DTNA: variants seen among roughly 807,000 people sequenced by gnomAD.
DTNA encodes dystrophin-related protein 3.
In DTNA, 43 loss-of-function variants were observed where a neutral mutation model predicts 100.7. The observed-to-expected ratio is 0.43, with a 90% confidence interval of 0.33 to 0.55. DTNA has a LOEUF of 0.55. Ranked by LOEUF, DTNA falls within the 20% of genes least tolerant of loss-of-function variation. The pLI is 0.04. For missense variants in DTNA, 798 were observed against 953.9 expected, an observed-to-expected ratio of 0.84 and a Z score of 2.15; for synonymous variants, 349 against 347.9, an observed-to-expected ratio of 1.00 and a Z score of -0.04.
At chr18:34,625,430 C>T (rs1238227674) in intron 1 of DTNA, among the ~76,000 whole-genome samples, 13 of 152,206 alleles carry the variant, frequency 8.5e-5, no homozygotes, top group African/African-American at 3.1e-4. Context: ...GCCTCAGCTT[C>T]CCAAAGTGCT....
intron 1 of DTNA, chr18:34,679,696 A>C (rs1381563086): frequency 6.6e-6 from 1 of 152,174 alleles, no homozygotes; most frequent in Non-Finnish European, 1.5e-5. Context: ...AATATTATCA[A>C]TGCTGAGGTG....
intron 1 of DTNA, among the ~76,000 whole-genome samples, chr18:34,741,517 G>A (rs1231336731): frequency 6.6e-6 from 1 of 152,028 alleles, no homozygotes; most frequent in Non-Finnish European, 1.5e-5. Context: ...ATTCTCTTCA[G>A]GAAACTCGAG....
intron 1 of DTNA, among the ~76,000 whole-genome samples, chr18:34,704,238 A>C (rs12955998): frequency 1.3e-5 from 2 of 152,154 alleles, no homozygotes; most frequent in Admixed American, 1.3e-4. Flanking sequence ...CACTGACTAC[A>C]TAATTACTTG....
At chr18:34,650,034 C>T (rs543626875) in intron 1 of DTNA, among the ~76,000 whole-genome samples, 53 of 151,800 alleles carry the variant, frequency 3.5e-4, no homozygotes, top group African/African-American at 1.3e-3. Context: ...AGTGGTAGTT[C>T]ACAACCTAGC....
At chr18:34,816,082 T>A in intron 7 of DTNA, 68 bp downstream of exon 7, 1 of 1,478,748 alleles carries the variant, frequency 6.8e-7, no homozygotes, top group Non-Finnish European at 9.4e-7. Context: ...GTTCTACAGT[T>A]AGTAAGCCCA....
intron 1 of DTNA, among the ~76,000 whole-genome samples, chr18:34,748,520 C>A (rs2091935843): frequency 6.6e-6 from 1 of 152,186 alleles, no homozygotes; most frequent in Non-Finnish European, 1.5e-5. Flanking sequence ...CATTCTTCTA[C>A]ATGTGGCTTG....
intron 16 of DTNA, among the ~76,000 whole-genome samples, chr18:34,860,083 G>A (rs1315663473): frequency 6.6e-6 from 1 of 152,094 alleles, no homozygotes; most frequent in Non-Finnish European, 1.5e-5. Context: ...GTCTCACTCT[G>A]TCACCCAGGC....
intron 21 of DTNA, among the ~76,000 whole-genome samples, chr18:34,882,736 T>C (rs991853794): frequency 1.3e-5 from 2 of 152,150 alleles, no homozygotes; most frequent in Non-Finnish European, 2.9e-5. Flanking sequence ...CCTTCTTATA[T>C]TGGAAAAAAA....
At chr18:34,871,406 GAT>G (rs1246558174) in intron 17 of DTNA, among the ~76,000 whole-genome samples, 1 of 152,168 alleles carries the variant, frequency 6.6e-6, no homozygotes, top group Non-Finnish European at 1.5e-5. Context: ...TGCCAAGTGT[GAT>G]ATATGTTTTC....
intron 3 of DTNA, among the ~76,000 whole-genome samples, chr18:34,768,583 A>T (rs1030118455): frequency 6.6e-6 from 1 of 152,136 alleles, no homozygotes. Flanking sequence ...TCTGGTCCAC[A>T]TCCTTATCCT....
chr18:34,650,806 C>T (rs567054331), intron 1 of DTNA, among the ~76,000 whole-genome samples: 1 of 152,166 alleles, frequency 6.6e-6, no homozygotes, highest in Non-Finnish European at 1.5e-5. Flanking sequence ...TGTGTTAATA[C>T]AGAATATAGT....
chr18:34,879,683 A>C lies in DTNA; in HGVS notation c.2126A>C (p.His709Pro), dbSNP rs760014038. ...CATGCCCGAAAACCTGGGTACATTCACAGTGGAGCTACCACAAGTACCATG... is the reference window on the plus strand; with the variant it reads ...CATGCCCGAAAACCTGGGTACATTCCCAGTGGAGCTACCACAAGTACCATG... The part of the protein sequence containing the change: ...QIHARKPGYI[H>P]SGATTSTMRG... The change falls in exon 20 of 23, where the codon CAC becomes CCC. Residue 709 changes from histidine to proline, a missense_variant. Coordinates refer to ENST00000444659, the MANE Select transcript of DTNA (RefSeq NM_001386795.1). 2 of 1,613,996 alleles carry C rather than the reference A, an allele frequency of 1.2e-6. No individual in the cohort carries two copies. Among genetic ancestry groups the C allele is most frequent in the African/African-American group, 2.7e-5 (2 of 74,910 alleles).
In DTNA at chr18:34,573,892, C is replaced by T. The variant is rs529651068; in HGVS notation, c.-2+80378C>T. ...TAACCACCATTCCAGTCTGTAGTCTCGAGTTCCACTCTTTTAGATTCTACA... is the reference window on the plus strand; with the variant it reads ...TAACCACCATTCCAGTCTGTAGTCTTGAGTTCCACTCTTTTAGATTCTACA... On this transcript the variant is annotated intron_variant, in intron 1 of 19. Coordinates refer to the DTNA transcript ENST00000283365. 4.6e-5 allele frequency: 7 copies of T among 152,332 alleles called. No individual in the cohort carries two copies. The East Asian group carries it at 9.7e-4, about 21-fold the overall frequency. The allele number at this position is 152,332 out of a possible 1,614,324, so 9.4% of individuals were successfully genotyped here.
chr18:34,827,277 CA>C (rs3216116), intron 9 of DTNA, among the ~76,000 whole-genome samples: 39,534 of 151,900 alleles, frequency 0.26, 5,315 homozygotes, highest in African/African-American at 0.32. Context: ...GAAGTAAAGC[CA>C]CTACCTTCTT....
At chr18:34,803,612 T>C (rs2095282690) in intron 4 of DTNA, among the ~76,000 whole-genome samples, 1 of 152,202 alleles carries the variant, frequency 6.6e-6, no homozygotes, top group Admixed American at 6.5e-5. Context: ...ACATTATTGC[T>C]ATGTGATTGC....
chr18:34,716,471 G>T (rs540841237), intron 1 of DTNA, among the ~76,000 whole-genome samples: 1 of 152,246 alleles, frequency 6.6e-6, no homozygotes, highest in Admixed American at 6.5e-5. Flanking sequence ...GCTGAGGCAA[G>T]AGAATCGCTT....
chr18:34,732,991 C>G (rs1411835945), intron 1 of DTNA, among the ~76,000 whole-genome samples: 1 of 152,142 alleles, frequency 6.6e-6, no homozygotes. Flanking sequence ...CCATAAGTCC[C>G]TATTTTAACT....
chr18:34,756,062 A>G lies in DTNA; in HGVS notation c.67+19A>G, dbSNP rs752998730. ...GAGATGAGTAAGTATGGATCTTTTA[A>G]GGAACACCCTATAGTTTCCATTGAA... On this transcript the variant is annotated intron_variant, in intron 2 of 22. Coordinates refer to ENST00000444659, the MANE Select transcript of DTNA (RefSeq NM_001386795.1). The G allele has an allele frequency of 6.2e-7, 1 of 1,609,800 alleles. No homozygotes were observed. The highest frequency in any genetic ancestry group is 1.7e-4 in the Middle Eastern group (1 of 6,052).
At chr18:34,623,860 AT>A (rs968119204) in intron 1 of DTNA, among the ~76,000 whole-genome samples, 1 of 152,214 alleles carries the variant, frequency 6.6e-6, no homozygotes, top group Non-Finnish European at 1.5e-5. Flanking sequence ...AAAAACTATA[AT>A]TTGGAAGATC....
Sources: allele counts gnomAD v4.1 joint callset (sites outside exome capture counted in the v4.1 genomes callset), GRCh38; gene constraint gnomAD v4.1.1; transcripts MANE v1.5; gene names NCBI Gene and HGNC (gene_info 2026-07-23, HGNC 2026-07-21).